The following EDARADD variants were observed in gnomAD, a reference collection of about 807,000 sequenced individuals.
EDARADD encodes the protein ectodysplasin-A receptor-associated adapter protein.
Under a neutral mutation model 25.6 loss-of-function variants are expected in EDARADD, and 20 were observed. That is an observed-to-expected ratio of 0.78 (90% confidence interval 0.55 to 1.14). The LOEUF is 1.14. Ranked by LOEUF, EDARADD falls within the 50% of genes most tolerant of loss-of-function variation. The pLI is 0.00. For missense variants in EDARADD, 225 were observed against 270.1 expected (o/e 0.83, Z 1.17); for synonymous variants, 86 against 94.4 (o/e 0.91, Z 0.52).
In EDARADD at chr1:236,429,074, G is replaced by A. The variant is rs149214559; in HGVS notation, c.219+1624G>A. Among the ~76,000 whole-genome samples, 1,251 of 152,196 alleles carry A rather than the reference G, an allele frequency of 8.2e-3. 23 individuals are homozygous for A. The highest frequency in any genetic ancestry group is 0.029 in the African/African-American group (1,195 of 41,554). On this transcript the variant is annotated intron_variant, in intron 4 of 5. Transcript: ENST00000334232. Reference sequence around the variant, plus strand: ...TCAGGCAGGGAGGTTGCAGTGAGTCGAGATGGCATCGGTACAGTCCAGCCT... The same window carrying A: ...TCAGGCAGGGAGGTTGCAGTGAGTCAAGATGGCATCGGTACAGTCCAGCCT...
chr1:236,463,450 C>T (rs913831705), intron 4 of EDARADD, among the ~76,000 whole-genome samples: 1 of 152,146 alleles, frequency 6.6e-6, no homozygotes, highest in Non-Finnish European at 1.5e-5. Flanking sequence ...CACACCACCA[C>T]GCCCGGCTAA....
In EDARADD at chr1:236,373,603, C is replaced by G. The variant is rs906261256; in HGVS notation, c.-6+22764C>G. Among the ~76,000 whole-genome samples the G allele has an allele frequency of 9.9e-5, 15 of 152,212 alleles. 1 individual carries two copies. Among genetic ancestry groups the G allele is most frequent in the African/African-American group, 2.6e-4 (11 of 41,536 alleles). On this transcript the variant is annotated intron_variant, in intron 3 of 7. Coordinates refer to the EDARADD transcript ENST00000439430. ...TGATTTTACTGATCTTTTTAAAGAACCAGCTTTTGGTTTTGTTGATTTTTT... is the reference window on the plus strand; with the variant it reads ...TGATTTTACTGATCTTTTTAAAGAAGCAGCTTTTGGTTTTGTTGATTTTTT...
chr1:236,443,733 G>T lies in EDARADD; in HGVS notation c.219+16283G>T, dbSNP rs575963810. On this transcript the variant is annotated intron_variant, in intron 4 of 5. Transcript: ENST00000334232. ...TGAACGTTGTTGAAAAGACAACAAA[G>T]AGTTTAGAGTAGTACATAAATTTAG... 2.7e-4 allele frequency among the ~76,000 whole-genome samples: 41 copies of T among 152,172 alleles called. 1 individual carries two copies. Among genetic ancestry groups the T allele is most frequent in the Non-Finnish European group, 5.1e-4 (35 of 68,022 alleles).
chr1:236,410,249 C>G (rs1263442374), intron 2 of EDARADD, among the ~76,000 whole-genome samples: 2 of 151,904 alleles, frequency 1.3e-5, no homozygotes, highest in Non-Finnish European at 2.9e-5. Context: ...CTCCTCCCAC[C>G]CTCCCCCCTT....
intron 3 of EDARADD, chr1:236,350,930 T>G (rs1483591746): frequency 6.6e-6 from 1 of 152,184 alleles, no homozygotes; most frequent in African/African-American, 2.4e-5. Flanking sequence ...AATCAATAGC[T>G]TATATTATTT....
chr1:236,414,866 C>CA (rs1311050884), intron 3 of EDARADD, among the ~76,000 whole-genome samples: 11 of 150,892 alleles, frequency 7.3e-5, no homozygotes, highest in Middle Eastern at 3.4e-3. Context: ...AACTCCATCT[C>CA]AAAAAAAAGA....
chr1:236,444,344 C>G (rs1241302744), intron 4 of EDARADD, among the ~76,000 whole-genome samples: 2 of 151,834 alleles, frequency 1.3e-5, no homozygotes, highest in African/African-American at 4.8e-5. Context: ...TTATTAGGCC[C>G]ACTTTACACA....
At chr1:236,390,039 A>T (rs1667402598), upstream of EDARADD, among the ~76,000 whole-genome samples, 2 of 152,086 alleles carry the variant, frequency 1.3e-5, no homozygotes, top group South Asian at 4.1e-4. Flanking sequence ...GTAGCAAAAG[A>T]AGATTTAATA....
At chr1:236,462,494 C>A (rs1342502585) in intron 4 of EDARADD, among the ~76,000 whole-genome samples, 1 of 152,054 alleles carries the variant, frequency 6.6e-6, no homozygotes, top group Non-Finnish European at 1.5e-5. Context: ...ATCCGTGTCT[C>A]CCGTCACATC....
At chr1:236,451,908 C>G (rs745973868) in intron 4 of EDARADD, among the ~76,000 whole-genome samples, 2 of 152,184 alleles carry the variant, frequency 1.3e-5, no homozygotes, top group Non-Finnish European at 2.9e-5. Flanking sequence ...CCAACCCCAG[C>G]TCCTTCTCTC....
chr1:236,471,439 T>C (rs1428539544), intron 5 of EDARADD, among the ~76,000 whole-genome samples: 1 of 151,920 alleles, frequency 6.6e-6, no homozygotes, highest in Non-Finnish European at 1.5e-5. Context: ...TTTAAATATG[T>C]TTATTTCCCA....
chr1:236,362,909 TAATCCCAGC>T (rs1667066251), intron 3 of EDARADD, among the ~76,000 whole-genome samples: 1 of 146,658 alleles, frequency 6.8e-6, no homozygotes, highest in African/African-American at 2.5e-5. Context: ...CTCATGCCTG[TAATCCCAGC>T]ATTTTGGGAA....
At position 236,398,892 on chromosome 1, in the gene EDARADD, CTG is replaced by C. The variant is rs1193563544; in HGVS notation, c.61+4392_61+4393del. 3.9e-5 allele frequency among the ~76,000 whole-genome samples: 6 copies of C among 152,302 alleles called. No individual in the cohort carries two copies. Among genetic ancestry groups the C allele is most frequent in the Admixed American group, 3.3e-4 (5 of 15,294 alleles). Reference sequence around the variant, plus strand: ...ATAAACTCGTGGACAGAGGTCATGTCTGTGTGGTAGCTCTCCCTAACACTCAG... The same window carrying C: ...ATAAACTCGTGGACAGAGGTCATGTCTGTGGTAGCTCTCCCTAACACTCAG... On this transcript the variant is annotated intron_variant, in intron 1 of 5. Coordinates refer to ENST00000334232, the MANE Select transcript of EDARADD (RefSeq NM_145861.4). This position sits in a 1 kb window ranked among gnomAD's most constrained non-coding sequence, Gnocchi z 4.1.
At chr1:236,480,778 A>G (rs1659650738) in intron 5 of EDARADD, among the ~76,000 whole-genome samples, 1 of 152,228 alleles carries the variant, frequency 6.6e-6, no homozygotes, top group Non-Finnish European at 1.5e-5. Context: ...TTTATTGCAA[A>G]TGACTTGTCA....
chr1:236,427,722 G>A (rs1657963348), intron 4 of EDARADD, among the ~76,000 whole-genome samples: 1 of 152,088 alleles, frequency 6.6e-6, no homozygotes, highest in African/African-American at 2.4e-5. Context: ...AGAAAGGAGA[G>A]TTGTTTTCTT....
intron 4 of EDARADD, among the ~76,000 whole-genome samples, chr1:236,461,757 A>G (rs1659044052): frequency 6.6e-6 from 1 of 152,184 alleles, no homozygotes; most frequent in South Asian, 2.1e-4. Context: ...TTTGGTCATA[A>G]CAGGTGAACC....
intron 4 of EDARADD, among the ~76,000 whole-genome samples, chr1:236,434,635 G>A (rs1475625057): frequency 6.6e-6 from 1 of 152,122 alleles, no homozygotes; most frequent in African/African-American, 2.4e-5. Context: ...TGTGGCCCAG[G>A]GAAGCCCAAA....
At chr1:236,453,840 CTG>C (rs1658777495) in intron 4 of EDARADD, among the ~76,000 whole-genome samples, 1 of 152,154 alleles carries the variant, frequency 6.6e-6, no homozygotes, top group South Asian at 2.1e-4. Context: ...GGACACATGA[CTG>C]TAATTGATTT....
chr1:236,435,975 G>A (rs939607312), intron 4 of EDARADD, among the ~76,000 whole-genome samples: 13 of 152,170 alleles, frequency 8.5e-5, no homozygotes, highest in African/African-American at 2.4e-4. Flanking sequence ...AATAAGAGTC[G>A]TCAAAGGCAT....
Sources: gnomAD v4.1 joint callset for allele counts (sites outside exome capture counted in the v4.1 genomes callset) on GRCh38, gnomAD v4.1.1 for gene constraint, Gnocchi (gnomAD v3.1) non-coding constraint, MANE v1.5 for transcripts, NCBI Gene and HGNC (gene_info 2026-07-23, HGNC 2026-07-21) for gene names.